KIAA0825: variants seen among roughly 807,000 people sequenced by gnomAD.
KIAA0825 encodes KIAA0825.
Under a neutral mutation model 147.6 loss-of-function variants are expected in KIAA0825, and 119 were observed. The ratio of observed to expected loss-of-function variants is 0.81; its 90% CI spans 0.69 to 0.94. The LOEUF (loss-of-function observed/expected upper bound fraction) is 0.94. KIAA0825 is among the 40% of genes least tolerant of loss of function. The pLI, the probability that KIAA0825 is intolerant of heterozygous loss-of-function variation, is 0.00. For missense variants in KIAA0825, 1,381 were observed against 1,472.7 expected, an observed-to-expected ratio of 0.94 and a Z score of 1.02; for synonymous variants, 470 against 518.1, an observed-to-expected ratio of 0.91 and a Z score of 1.26.
chr5:94,302,964 A>G (rs1301588790), intron 20 of KIAA0825, among the ~76,000 whole-genome samples: 1 of 152,120 alleles, frequency 6.6e-6, no homozygotes. Flanking sequence ...AGTAAAACTA[A>G]TATTATTCTT....
At chr5:94,204,039 T>TA (rs1189078215) in intron 20 of KIAA0825, among the ~76,000 whole-genome samples, 1 of 152,178 alleles carries the variant, frequency 6.6e-6, no homozygotes. Context: ...TTTGGGTAGA[T>TA]ACATCTGTGA....
At chr5:94,309,141 A>G (rs1345748608) in intron 20 of KIAA0825, among the ~76,000 whole-genome samples, 1 of 151,598 alleles carries the variant, frequency 6.6e-6, no homozygotes, top group East Asian at 1.9e-4. Flanking sequence ...GAAACATTTA[A>G]TGGAAAACAT....
intron 6 of KIAA0825, among the ~76,000 whole-genome samples, chr5:94,479,636 T>C (rs577935523): frequency 7.9e-5 from 12 of 152,264 alleles, no homozygotes; most frequent in Non-Finnish European, 1.5e-4. Context: ...TGCTGGATTG[T>C]ATGGTAAAAC....
intron 20 of KIAA0825, among the ~76,000 whole-genome samples, chr5:94,313,264 A>G (rs560402439): frequency 2.4e-4 from 37 of 151,678 alleles, no homozygotes; most frequent in Non-Finnish European, 4.3e-4. Context: ...GTATTGAGTT[A>G]GAGTCCAATC....
At chr5:94,530,249 C>A (rs188754744) in intron 3 of KIAA0825, among the ~76,000 whole-genome samples, 2 of 103,948 alleles carry the variant, frequency 1.9e-5, no homozygotes, top group Non-Finnish European at 3.5e-5. Context: ...CCAGCCTGGG[C>A]AACGAGAGTA....
chr5:94,324,657 T>C (rs1028653123), intron 20 of KIAA0825, among the ~76,000 whole-genome samples: 4 of 152,018 alleles, frequency 2.6e-5, no homozygotes, highest in Admixed American at 2.6e-4. Context: ...TGACTTTTTA[T>C]TTCATTGAGA....
chr5:94,554,827 T>C (rs1776259104), intron 2 of KIAA0825, among the ~76,000 whole-genome samples: 1 of 146,568 alleles, frequency 6.8e-6, no homozygotes, highest in Admixed American at 7.0e-5. Context: ...ATATGGAAAC[T>C]GAGGCACAGA....
chr5:94,242,498 C>T (rs75609826), intron 20 of KIAA0825, among the ~76,000 whole-genome samples: 1,805 of 152,250 alleles, frequency 0.012, 35 homozygotes, highest in African/African-American at 0.041. Context: ...TGCCTTCCAC[C>T]TATCCTACCC....
At chr5:94,163,607 A>G (rs1767771558) in intron 20 of KIAA0825, among the ~76,000 whole-genome samples, 1 of 152,208 alleles carries the variant, frequency 6.6e-6, no homozygotes, top group Non-Finnish European at 1.5e-5. Context: ...GAGAAACTGT[A>G]TAAATCAGCA....
chr5:94,392,768 A>G (rs1003503148), intron 17 of KIAA0825, among the ~76,000 whole-genome samples: 6 of 152,218 alleles, frequency 3.9e-5, no homozygotes, highest in Non-Finnish European at 7.3e-5. Flanking sequence ...GCTGCTGGAC[A>G]TTAACTTTGA....
intron 20 of KIAA0825, among the ~76,000 whole-genome samples, chr5:94,377,735 T>C (rs1277396902): frequency 6.6e-6 from 1 of 152,194 alleles, no homozygotes; most frequent in Non-Finnish European, 1.5e-5. Context: ...TAGCAAACTT[T>C]CTAAATTGAA....
intron 20 of KIAA0825, among the ~76,000 whole-genome samples, chr5:94,320,775 T>A (rs1780106093): frequency 1.3e-5 from 2 of 152,154 alleles, no homozygotes; most frequent in Middle Eastern, 3.4e-3. Flanking sequence ...AAATATTGGT[T>A]ACTCATATTG....
In KIAA0825 at chr5:94,417,310, G is replaced by A; in HGVS notation, c.2553C>T (p.Ala851=). 1 of 1,550,062 alleles carries A rather than the reference G, an allele frequency of 6.5e-7. No homozygotes were observed. Among genetic ancestry groups the A allele is most frequent in the Non-Finnish European group, 8.7e-7 (1 of 1,145,826 alleles). The change falls in exon 15 of 21, where the codon GCC becomes GCT. Residue 851 remains alanine (A), a synonymous_variant. Transcript: ENST00000682413. ...TGCAATGGTACAATATTTTAAAGAT[G>A]GCTTCCATCAAGCTGGGTCCTTGGT... The part of the protein sequence containing the change: ...NLNQGPSLME[A]IFKILYHCSF...
chr5:94,514,032 G>A lies in KIAA0825; in HGVS notation c.970+6216C>T, dbSNP rs1466653032. 4.6e-5 allele frequency among the ~76,000 whole-genome samples: 7 copies of A among 152,216 alleles called. No individual in the cohort carries two copies. The South Asian group carries it at 1.4e-3, about 32-fold the overall frequency. On this transcript the variant is annotated intron_variant, in intron 5 of 20. Coordinates refer to ENST00000682413, the MANE Select transcript of KIAA0825 (RefSeq NM_001145678.3). ...AAACAAGAACTGGAATTGCTGCATTGTCTAATTTTTGGGTGGTGATATAGC... is the reference window on the plus strand; with the variant it reads ...AAACAAGAACTGGAATTGCTGCATTATCTAATTTTTGGGTGGTGATATAGC...
intron 16 of KIAA0825, among the ~76,000 whole-genome samples, chr5:94,396,916 C>T (rs1750735978): frequency 6.6e-6 from 1 of 152,092 alleles, no homozygotes; most frequent in Middle Eastern, 3.4e-3. Flanking sequence ...TTTCAGCTCT[C>T]CTCAGGACTG....
chr5:94,423,691 A>T (rs1754488996), intron 14 of KIAA0825, among the ~76,000 whole-genome samples: 2 of 152,152 alleles, frequency 1.3e-5, no homozygotes, highest in Non-Finnish European at 2.9e-5. Flanking sequence ...TTAACCAGGC[A>T]CTAATGAGCA....
Position 94,403,560 on chromosome 5 carries a change from T to C in KIAA0825, c.2887+9A>G, listed in dbSNP as rs1310261120. On this transcript the variant is annotated intron_variant, in intron 16 of 20. Transcript: ENST00000682413. ...GTGTATTTTCTTAAAGAGAAACAAG[T>C]GTACTTACTTTTGCATGATTCTTTC... 1.9e-6 allele frequency: 3 copies of C among 1,546,882 alleles called. No homozygotes were observed. The highest frequency in any genetic ancestry group is 1.4e-5 in the African/African-American group (1 of 72,884).
intron 1 of KIAA0825, among the ~76,000 whole-genome samples, chr5:94,591,878 G>T (rs1348517530): frequency 6.6e-6 from 1 of 152,114 alleles, no homozygotes. Context: ...TTGTGCAAAG[G>T]AACTCCCATT....
chr5:94,373,860 A>G (rs1443880905), intron 20 of KIAA0825, among the ~76,000 whole-genome samples: 1 of 152,212 alleles, frequency 6.6e-6, no homozygotes, highest in Non-Finnish European at 1.5e-5. Context: ...CAGTAAAAAT[A>G]TCTTCAAAGA....
Sources: gnomAD v4.1 joint callset for allele counts (sites outside exome capture counted in the v4.1 genomes callset) on GRCh38, gnomAD v4.1.1 for gene constraint, MANE v1.5 for transcripts, NCBI Gene and HGNC (gene_info 2026-07-23, HGNC 2026-07-21) for gene names.